The following SKAP2 variants were observed in gnomAD, a reference collection of about 807,000 sequenced individuals.
SKAP2 encodes the protein src kinase-associated phosphoprotein 2.
In SKAP2, 28 loss-of-function variants were observed where a neutral mutation model predicts 54.9. The observed-to-expected ratio is 0.51, with a 90% CI of 0.38 to 0.70. The LOEUF (loss-of-function observed/expected upper bound fraction) is 0.70, where lower values mean the gene tolerates loss of function less well. SKAP2 is among the 30% of genes least tolerant of loss of function. SKAP2 has a pLI of 0.00. For missense variants in SKAP2, 356 were observed against 424.1 expected (o/e 0.84, Z 1.41); for synonymous variants, 137 against 134.3 (o/e 1.02, Z -0.14).
chr7:26,799,298 T>C (rs1032655959), intron 4 of SKAP2, among the ~76,000 whole-genome samples: 4 of 151,960 alleles, frequency 2.6e-5, no homozygotes, highest in East Asian at 1.9e-4. Context: ...AAAAACCCCA[T>C]TGATCTGTTG....
At chr7:26,762,545 T>A (rs991245595) in intron 4 of SKAP2, among the ~76,000 whole-genome samples, 6 of 151,734 alleles carry the variant, frequency 4.0e-5, no homozygotes, top group African/African-American at 1.5e-4. Context: ...TAAAAAAAAA[T>A]AGTGATGCCC....
At chr7:26,730,426 T>C (rs546663156) in intron 6 of SKAP2, among the ~76,000 whole-genome samples, 37 of 152,344 alleles carry the variant, frequency 2.4e-4, no homozygotes, top group African/African-American at 7.9e-4. Context: ...GTGCCAAAAC[T>C]TTTAAAAATG....
chr7:26,736,420 C>A (rs1787942899), intron 6 of SKAP2, among the ~76,000 whole-genome samples: 1 of 109,538 alleles, frequency 9.1e-6, no homozygotes, highest in Non-Finnish European at 1.9e-5. Context: ...CAGGAAGTTA[C>A]CCTATATGGC....
intron 4 of SKAP2, among the ~76,000 whole-genome samples, chr7:26,835,744 T>C (rs1294923457): frequency 2.0e-5 from 3 of 151,956 alleles, no homozygotes; most frequent in African/African-American, 7.3e-5. Context: ...AGAATCAATA[T>C]CATGAAAAAT....
intron 4 of SKAP2, among the ~76,000 whole-genome samples, chr7:26,784,248 T>G (rs936979317): frequency 6.6e-6 from 1 of 152,250 alleles, no homozygotes; most frequent in Non-Finnish European, 1.5e-5. Flanking sequence ...GGGAGTTACC[T>G]ATTGTTGAGT....
intron 4 of SKAP2, among the ~76,000 whole-genome samples, chr7:26,842,612 G>A (rs73069515): frequency 0.078 from 11,854 of 151,640 alleles, 576 homozygotes; most frequent in Middle Eastern, 0.16. Context: ...GTCTCTCTTA[G>A]TATAAATATT....
At chr7:26,713,886 A>G (rs1171212038) in intron 9 of SKAP2, among the ~76,000 whole-genome samples, 1 of 152,228 alleles carries the variant, frequency 6.6e-6, no homozygotes, top group Non-Finnish European at 1.5e-5. Flanking sequence ...GGCATGAGCC[A>G]TCGCGCCCGA....
chr7:26,854,711 G>T, intron 2 of SKAP2, 74 bp downstream of exon 2: 4 of 1,397,554 alleles, frequency 2.9e-6, no homozygotes, highest in Admixed American at 2.5e-5. Flanking sequence ...CATAATAATC[G>T]ATTTCTTATT....
At chr7:26,753,873 C>T (rs1782734784) in intron 4 of SKAP2, among the ~76,000 whole-genome samples, 2 of 152,000 alleles carry the variant, frequency 1.3e-5, no homozygotes, top group South Asian at 2.1e-4. Flanking sequence ...GCAAGATAGC[C>T]GTAAGACATG....
intron 4 of SKAP2, among the ~76,000 whole-genome samples, chr7:26,755,158 TAATTC>T: frequency 6.6e-6 from 1 of 152,284 alleles, no homozygotes; most frequent in African/African-American, 2.4e-5. Flanking sequence ...TCAATTAAAT[TAATTC>T]AATTAAGTCC....
At chr7:26,694,448 A>C (rs1036673241) in intron 9 of SKAP2, among the ~76,000 whole-genome samples, 2 of 148,754 alleles carry the variant, frequency 1.3e-5, no homozygotes, top group African/African-American at 2.6e-5. Context: ...TTGTTAGAAG[A>C]ATCATCAGGA....
intron 4 of SKAP2, among the ~76,000 whole-genome samples, chr7:26,798,499 C>T (rs1487254499): frequency 6.6e-6 from 1 of 151,984 alleles, no homozygotes; most frequent in Non-Finnish European, 1.5e-5. Flanking sequence ...ACCTGTCCTA[C>T]AAGAAATGCA....
chr7:26,817,480 C>A (rs1411392372), intron 4 of SKAP2, among the ~76,000 whole-genome samples: 1 of 152,030 alleles, frequency 6.6e-6, no homozygotes, highest in East Asian at 1.9e-4. Flanking sequence ...ATCCAAATAT[C>A]ATGTATATAA....
At chr7:26,731,529 T>C (rs1674701868) in intron 6 of SKAP2, among the ~76,000 whole-genome samples, 1 of 152,168 alleles carries the variant, frequency 6.6e-6, no homozygotes, top group Non-Finnish European at 1.5e-5. Context: ...TTCCTATCAA[T>C]ATACTTGTGA....
At chr7:26,849,355 T>A (rs1428540227) in intron 3 of SKAP2, among the ~76,000 whole-genome samples, 1 of 152,144 alleles carries the variant, frequency 6.6e-6, no homozygotes, top group Non-Finnish European at 1.5e-5. Flanking sequence ...CTTTTATCTA[T>A]CTCTAGCACC....
intron 6 of SKAP2, among the ~76,000 whole-genome samples, chr7:26,738,349 C>T (rs865950209): frequency 1.4e-4 from 22 of 152,264 alleles, no homozygotes; most frequent in African/African-American, 4.8e-4. Context: ...TACACGTTTG[C>T]TGTTATTCCT....
rs1298417415 is a variant in SKAP2 at position 26,857,569 on chromosome 7, G to A, written c.68-2679C>T. On this transcript the variant is annotated intron_variant, in intron 1 of 12. Coordinates refer to ENST00000345317, the MANE Select transcript of SKAP2 (RefSeq NM_003930.5). ...ACCGATCCTGATCTCGCAACGCAAA[G>A]ACAGACCAAGCGCCGCAAAGAAGTT... The A allele has an allele frequency of 3.0e-6, 3 of 985,288 alleles. No homozygotes were observed. In the African/African-American group the frequency reaches 5.2e-5, roughly 17 times the overall value. The allele number at this position is 985,288 out of a possible 1,614,324, so 61.0% of individuals were successfully genotyped here. A position where few individuals can be genotyped will look rare whatever the true frequency, so the allele number is the denominator to read the frequency against.
intron 10 of SKAP2, 24 bp from the exon 11 acceptor site, chr7:26,684,872 T>G (rs537509581): frequency 1.2e-5 from 16 of 1,367,308 alleles, no homozygotes; most frequent in Non-Finnish European, 1.7e-5. Context: ...AGAGAAAGCA[T>G]GAATTAGGGC....
intron 9 of SKAP2, among the ~76,000 whole-genome samples, chr7:26,709,369 G>A (rs1787244209): frequency 6.6e-6 from 1 of 152,170 alleles, no homozygotes; most frequent in Non-Finnish European, 1.5e-5. Flanking sequence ...AGCAAAGGGT[G>A]TGGAGTGGAA....
Sources: allele counts gnomAD v4.1 joint callset (sites outside exome capture counted in the v4.1 genomes callset), GRCh38; gene constraint gnomAD v4.1.1; transcripts MANE v1.5; gene names NCBI Gene and HGNC (gene_info 2026-07-23, HGNC 2026-07-21).